The following ARMH2 variants were observed in gnomAD, a reference collection of about 807,000 sequenced individuals.
ARMH2 encodes the protein armadillo like helical domain containing 2.
Under a neutral mutation model 9.0 loss-of-function variants are expected in ARMH2, and 5 were observed. The observed-to-expected ratio is 0.56, with a 90% CI of 0.29 to 1.17. The LOEUF (loss-of-function observed/expected upper bound fraction) is 1.17, where lower values mean the gene tolerates loss of function less well. ARMH2 is among the 50% of genes most tolerant of loss of function. The pLI is 0.08. For synonymous variants in ARMH2, 74 were observed against 93.1 expected (o/e 0.79, Z 1.18); for missense variants, 236 against 268.3 (o/e 0.88, Z 0.84).
At chr6:24,798,248 C>G (rs1334943862) in intron 1 of ARMH2, among the ~76,000 whole-genome samples, 1 of 152,078 alleles carries the variant, frequency 6.6e-6, no homozygotes, top group African/African-American at 2.4e-5. Flanking sequence ...TCTCGAGTAG[C>G]TGGTATTACA....
In ARMH2 at chr6:24,798,576, GC is replaced by G; in HGVS notation, c.265+16del. On this transcript the variant is annotated intron_variant, in intron 1 of 1. Coordinates refer to ENST00000565469, the MANE Select transcript of ARMH2 (RefSeq NM_001282492.2). ...GTCGTGAAACACTCATTTTAGCACA[GC>G]CATTTAGATCAGTACCTGTGAAGGC... is the stretch of plus-strand genomic sequence containing the variant. 1 of 1,513,656 alleles carries G rather than the reference GC, an allele frequency of 6.6e-7. No individual in the cohort carries two copies. Among genetic ancestry groups the G allele is most frequent in the South Asian group, 1.2e-5 (1 of 80,844 alleles). The allele number at this position is 1,513,656 out of a possible 1,614,324, so 93.8% of individuals were successfully genotyped here.
chr6:24,797,789 GC>G lies in ARMH2; in HGVS notation c.313del (p.Ala105LeufsTer13), dbSNP rs1259977834. The G allele has an allele frequency of 6.5e-7, 1 of 1,535,434 alleles. No individual in the cohort carries two copies. The highest frequency in any genetic ancestry group is 8.7e-7 in the Non-Finnish European group (1 of 1,146,716). ...NFAAEYMEEV[A>X]HLLQDEELAP... ...CAACTCCTCATCTTGCAACAAGTGA[GC>G]CACTTCTTCCATGTACTCAGCTGCA... is the stretch of plus-strand genomic sequence containing the variant. On this transcript the variant is annotated frameshift_variant, in exon 2 of 2. Transcript: ENST00000565469. LOFTEE classifies it low-confidence loss of function (END_TRUNC).
chr6:24,798,605 G>C lies in ARMH2; in HGVS notation c.253C>G (p.Leu85Val). ...RAQAAQKIGL[L>V]AFTGGPPAGN... Reference sequence around the variant, plus strand: ...TTTAGATCAGTACCTGTGAAGGCCAGCAGTCCAATTTTCTGGGCAGCTTGA... The same window carrying C: ...TTTAGATCAGTACCTGTGAAGGCCACCAGTCCAATTTTCTGGGCAGCTTGA... The change falls in exon 1 of 2, where the codon CTG (leucine) becomes GTG (valine). Residue 85 changes from leucine to valine, a missense_variant. By Grantham distance (32) the Leu-to-Val change is conservative (BLOSUM62 1). Transcript: ENST00000565469. The C allele has an allele frequency of 6.5e-7, 1 of 1,534,484 alleles. No homozygotes were observed. The highest frequency in any genetic ancestry group is 1.2e-5 in the South Asian group (1 of 83,926).
chr6:24,797,460 C>T lies in ARMH2; in HGVS notation c.643G>A (p.Glu215Lys). 1 of 1,535,408 alleles carries T rather than the reference C, an allele frequency of 6.5e-7. No homozygotes were observed. The highest frequency in any genetic ancestry group is 8.7e-7 in the Non-Finnish European group (1 of 1,146,682). Residue 215 changes from glutamate (E) to lysine (K), a missense_variant, in exon 2 of 2, where the codon GAG becomes AAG. Coordinates refer to ENST00000565469, the MANE Select transcript of ARMH2 (RefSeq NM_001282492.2). ...LAAENWSGWT[E>K]NFAEVLYFLI... ...AAATACAGCACCTCTGCAAAATTCT[C>T]TGTCCATCCAGACCAATTCTCAGCA...
rs904278395 is a variant in ARMH2 at position 24,798,697 on chromosome 6, T to A, written c.161A>T (p.His54Leu). The A allele has an allele frequency of 5.9e-6, 9 of 1,535,260 alleles. No homozygotes were observed. In the African/African-American group the frequency reaches 6.8e-5, roughly 12 times the overall value. Reference sequence around the variant, plus strand: ...GCCAAGTACAACAATTTTTTCCTCATGAAAATAAGTCTCAGCTGAAGGGAT... The same window carrying A: ...GCCAAGTACAACAATTTTTTCCTCAAGAAAATAAGTCTCAGCTGAAGGGAT... Reference protein sequence around the residue: ...KKIPSAETYFHEEKIVVLGQV... With the variant: ...KKIPSAETYFLEEKIVVLGQV... The change falls in exon 1 of 2, where the codon CAT becomes CTT. Residue 54 changes from histidine (H) to leucine (L), a missense_variant. Transcript: ENST00000565469.
rs752296982 is a variant in ARMH2, at chr6:24,797,384, G to A, written c.*26C>T. ...TTTCCAGGGTAATACACAGAGAGCT[G>A]CAACATGTAACTGGATTTAGAGAAA... On this transcript the variant is annotated 3_prime_UTR_variant, in exon 2 of 2. Transcript: ENST00000565469. 1.1e-4 allele frequency: 161 copies of A among 1,518,494 alleles called. No homozygotes were observed. The highest frequency in any genetic ancestry group is 1.2e-4 in the Non-Finnish European group (139 of 1,135,512). 94.1% of individuals were successfully genotyped at this position (1,518,494 alleles called of 1,614,324 possible).
Position 24,798,768 on chromosome 6 carries a change from C to T in ARMH2, c.90G>A (p.Trp30Ter). The change falls in exon 1 of 2, where the codon TGG (tryptophan) becomes TGA (stop). Residue 30 changes from tryptophan (W) to a stop codon, truncating the protein, a stop_gained. Transcript: ENST00000565469. LOFTEE classifies it high-confidence loss of function. The part of the protein sequence containing the change: ...AGLCRRLQKF[W>*]RVTVKGFFVK... Reference sequence around the variant, plus strand: ...CAAAAAAGCCCTTAACAGTGACACGCCAGAATTTCTGGAGACGCCGACACA... The same window carrying T: ...CAAAAAAGCCCTTAACAGTGACACGTCAGAATTTCTGGAGACGCCGACACA... 2 of 1,535,352 alleles carry T rather than the reference C, an allele frequency of 1.3e-6. No homozygotes were observed. The highest frequency in any genetic ancestry group is 2.4e-5 in the South Asian group (2 of 84,050).
chr6:24,797,579 CA>C lies in ARMH2; in HGVS notation c.523del (p.Cys175ValfsTer7). ...NSYLLLKFWT[C>X]YVLSVMTCNN... ...GCATGTCATGACAGAGAGAACGTAA[CA>C]AGTCCAAAATTTAAGGAGGAGGTAG... is the stretch of plus-strand genomic sequence containing the variant. On this transcript the variant is annotated frameshift_variant, in exon 2 of 2. Coordinates refer to ENST00000565469, the MANE Select transcript of ARMH2 (RefSeq NM_001282492.2). LOFTEE classifies it low-confidence loss of function (END_TRUNC). 6.5e-7 allele frequency: 1 copy of C among 1,535,468 alleles called. No individual in the cohort carries two copies. The highest frequency in any genetic ancestry group is 2.4e-5 in the East Asian group (1 of 40,922).
chr6:24,798,209 C>T (rs534790014), intron 1 of ARMH2, among the ~76,000 whole-genome samples: 88 of 152,106 alleles, frequency 5.8e-4, no homozygotes, highest in African/African-American at 1.1e-3. Context: ...CTCTGCCTCC[C>T]GGGTTCAAGC....
chr6:24,798,695 C>T lies in ARMH2; in HGVS notation c.163G>A (p.Glu55Lys). Residue 55 changes from glutamate to lysine, a missense_variant, in exon 1 of 2, where the codon GAG (glutamate) becomes AAG (lysine). Glu to Lys is a moderately conservative substitution (Grantham distance 56). Coordinates refer to ENST00000565469, the MANE Select transcript of ARMH2 (RefSeq NM_001282492.2). Reference sequence around the variant, plus strand: ...TGGCCAAGTACAACAATTTTTTCCTCATGAAAATAAGTCTCAGCTGAAGGG... The same window carrying T: ...TGGCCAAGTACAACAATTTTTTCCTTATGAAAATAAGTCTCAGCTGAAGGG... Reference protein sequence around the residue: ...KIPSAETYFHEEKIVVLGQVL... With the variant: ...KIPSAETYFHKEKIVVLGQVL... The T allele has an allele frequency of 6.5e-7, 1 of 1,535,356 alleles. No homozygotes were observed. The highest frequency in any genetic ancestry group is 1.2e-5 in the South Asian group (1 of 84,054).
In ARMH2 at chr6:24,798,871, C is replaced by T; in HGVS notation, c.-14G>A. 2 of 1,531,192 alleles carry T rather than the reference C, an allele frequency of 1.3e-6. No individual in the cohort carries two copies. The highest frequency in any genetic ancestry group is 1.7e-6 in the Non-Finnish European group (2 of 1,144,422). The allele number at this position is 1,531,192 out of a possible 1,614,324, so 94.9% of individuals were successfully genotyped here. On this transcript the variant is annotated 5_prime_UTR_variant, in exon 1 of 2. Coordinates refer to ENST00000565469, the MANE Select transcript of ARMH2 (RefSeq NM_001282492.2). ...GCTGTTAGCCATTGTGTAAAAAGGC[C>T]AGTGGTCCTTCAGGTACACCACTGG...
chr6:24,797,998 T>TGAA (rs1168097583), intron 1 of ARMH2, among the ~76,000 whole-genome samples, 161 bp from the exon 2 acceptor site: 1 of 152,198 alleles, frequency 6.6e-6, no homozygotes, highest in Non-Finnish European at 1.5e-5. Flanking sequence ...GCTGCTGCCA[T>TGAA]GAAGACCAGA....
Position 24,798,241 on chromosome 6 carries a change from C to T in ARMH2, c.265+352G>A, listed in dbSNP as rs900782464. Among the ~76,000 whole-genome samples, 10 of 152,132 alleles carry T rather than the reference C, an allele frequency of 6.6e-5. No homozygotes were observed. In the East Asian group the frequency reaches 1.6e-3, roughly 24 times the overall value. ...AAGCGATTCTCCTACCTCAGCCTCT[C>T]GAGTAGCTGGTATTACAGGCATGCA... On this transcript the variant is annotated intron_variant, in intron 1 of 1. Transcript: ENST00000565469.
In ARMH2 at chr6:24,797,748, T is replaced by C; in HGVS notation, c.355A>G (p.Ile119Val). 6.5e-7 allele frequency: 1 copy of C among 1,535,368 alleles called. No individual in the cohort carries two copies. Among genetic ancestry groups the C allele is most frequent in the Non-Finnish European group, 8.7e-7 (1 of 1,146,722 alleles). ...CATGCCACACTCTGGAGCAGCAGGATCTTTATTTTTGGTGCCAACTCCTCA... is the reference window on the plus strand; with the variant it reads ...CATGCCACACTCTGGAGCAGCAGGACCTTTATTTTTGGTGCCAACTCCTCA... The part of the protein sequence containing the change: ...QDEELAPKIK[I>V]LLLQSVACWC... The change falls in exon 2 of 2, where the codon ATC becomes GTC. Residue 119 changes from isoleucine (I) to valine (V), a missense_variant. Ile to Val is a conservative substitution (Grantham distance 29). Coordinates refer to ENST00000565469, the MANE Select transcript of ARMH2 (RefSeq NM_001282492.2).
At position 24,798,903 on chromosome 6, in the gene ARMH2, C is replaced by T. The variant is rs774356171; in HGVS notation, c.-46G>A. 10 of 1,504,608 alleles carry T rather than the reference C, an allele frequency of 6.6e-6. No homozygotes were observed. In the South Asian group the frequency reaches 1.3e-4, roughly 19 times the overall value. The allele number at this position is 1,504,608 out of a possible 1,614,324, so 93.2% of individuals were successfully genotyped here. ...CCTTCAGGTACACCACTGGCAGTCA[C>T]AGGAGTTCACAGTCAAGAACTCTGG... On this transcript the variant is annotated 5_prime_UTR_variant, in exon 1 of 2. It adds an upstream start codon to the 5' untranslated region. Transcript: ENST00000565469.
At chr6:24,798,445 C>G in intron 1 of ARMH2, 148 bp downstream of exon 1, 1 of 1,013,192 alleles carries the variant, frequency 9.9e-7, no homozygotes, top group Non-Finnish European at 1.4e-6. Flanking sequence ...GTGAATAAAA[C>G]CTGGTTGTGT....
chr6:24,798,165 G>C (rs1190071245), intron 1 of ARMH2, among the ~76,000 whole-genome samples: 5 of 151,720 alleles, frequency 3.3e-5, no homozygotes, highest in African/African-American at 1.2e-4. Context: ...TGCCCAGGCT[G>C]GAGTGCAATG....
chr6:24,797,953 T>C, intron 1 of ARMH2, 116 bp from the exon 2 acceptor site: 1 of 1,179,328 alleles, frequency 8.5e-7, no homozygotes, highest in African/African-American at 1.5e-5. Flanking sequence ...CTTTGGATAC[T>C]TTGAATTTTC....
chr6:24,797,371 T>C lies in ARMH2; in HGVS notation c.*39A>G. The C allele has an allele frequency of 2.7e-6, 4 of 1,492,700 alleles. No individual in the cohort carries two copies. Among genetic ancestry groups the C allele is most frequent in the African/African-American group, 1.4e-5 (1 of 71,702 alleles). 92.5% of individuals were successfully genotyped at this position (1,492,700 alleles called of 1,614,324 possible). A position where few individuals can be genotyped will look rare whatever the true frequency, so the allele number is the denominator to read the frequency against. On this transcript the variant is annotated 3_prime_UTR_variant, in exon 2 of 2. Transcript: ENST00000565469. ...TGTTTATTTCAGTTTTCCAGGGTAA[T>C]ACACAGAGAGCTGCAACATGTAACT...
Sources: gnomAD v4.1 joint callset for allele counts (sites outside exome capture counted in the v4.1 genomes callset) on GRCh38, gnomAD v4.1.1 for gene constraint, MANE v1.5 for transcripts, NCBI Gene and HGNC (gene_info 2026-07-23, HGNC 2026-07-21) for gene names.